CAB39L: variants seen among roughly 807,000 people sequenced by gnomAD.
CAB39L encodes calcium-binding protein 39-like.
A neutral mutation model predicts 39.1 loss-of-function variants in CAB39L; 23 were observed. The ratio of observed to expected loss-of-function variants is 0.59; its 90% CI spans 0.42 to 0.83. The LOEUF (loss-of-function observed/expected upper bound fraction) is 0.83. Ranked by LOEUF, CAB39L falls within the 40% of genes least tolerant of loss-of-function variation. CAB39L has a pLI of 0.00. For missense variants in CAB39L, 366 were observed against 391.9 expected (o/e 0.93, Z 0.56); for synonymous variants, 126 against 137.2 (o/e 0.92, Z 0.57).
intron 3 of CAB39L, among the ~76,000 whole-genome samples, chr13:49,408,824 C>T (rs953386934): frequency 6.6e-6 from 1 of 151,978 alleles, no homozygotes; most frequent in Admixed American, 6.6e-5. Flanking sequence ...GAGTGAGACC[C>T]TGTCCCCTCC....
intron 6 of CAB39L, chr13:49,351,121 T>C (rs1273354513): frequency 1.6e-5 from 6 of 376,452 alleles, no homozygotes; most frequent in Admixed American, 9.1e-5. Context: ...AACACTTAGA[T>C]ATACTCAAAT....
intron 3 of CAB39L, among the ~76,000 whole-genome samples, chr13:49,410,837 AG>A (rs1279929166): frequency 1.3e-5 from 2 of 152,220 alleles, no homozygotes. Context: ...CAGTAATTAT[AG>A]TGGGTTCCAT....
intron 5 of CAB39L, 31 bp downstream of exon 5, chr13:49,376,936 C>T (rs1566101062): frequency 7.1e-7 from 1 of 1,408,804 alleles, no homozygotes; most frequent in Non-Finnish European, 9.5e-7. Context: ...AATTGAAAAG[C>T]ACCACTGACA....
chr13:49,313,732 A>C lies in CAB39L; in HGVS notation c.835-2739T>G, dbSNP rs372634919. ...ATCAAAGTGTCTCTGAGCCCTACAG[A>C]GCTCTCTGGTGTGATGGTCTGGCCT... On this transcript the variant is annotated intron_variant, in intron 10 of 10. Coordinates refer to ENST00000409308, the MANE Select transcript of CAB39L (RefSeq NM_001079670.3). 7.9e-5 allele frequency among the ~76,000 whole-genome samples: 12 copies of C among 152,204 alleles called. No homozygotes were observed. The East Asian group carries it at 2.1e-3, about 27-fold the overall frequency.
chr13:49,372,294 T>C (rs1955939426), intron 5 of CAB39L, among the ~76,000 whole-genome samples: 1 of 152,184 alleles, frequency 6.6e-6, no homozygotes, highest in African/African-American at 2.4e-5. Flanking sequence ...GCTTAAAGCA[T>C]TAGATAAAAA....
At chr13:49,409,730 G>A (rs1314348320) in intron 3 of CAB39L, among the ~76,000 whole-genome samples, 1 of 152,036 alleles carries the variant, frequency 6.6e-6, no homozygotes, top group Non-Finnish European at 1.5e-5. Context: ...GAGAACAAAG[G>A]TAGAGTAAAA....
intron 10 of CAB39L, among the ~76,000 whole-genome samples, chr13:49,317,540 C>G (rs1029882335): frequency 2.0e-5 from 3 of 151,982 alleles, no homozygotes; most frequent in African/African-American, 7.3e-5. Flanking sequence ...AAAAAACAAA[C>G]AAACAAACAA....
intron 10 of CAB39L, among the ~76,000 whole-genome samples, chr13:49,322,054 C>A (rs1954361822): frequency 1.3e-5 from 2 of 152,088 alleles, no homozygotes; most frequent in Admixed American, 1.3e-4. Context: ...ACAGTATATT[C>A]ACATAGTTGT....
At chr13:49,375,755 C>G (rs1477268366) in intron 5 of CAB39L, among the ~76,000 whole-genome samples, 1 of 150,774 alleles carries the variant, frequency 6.6e-6, no homozygotes, top group Non-Finnish European at 1.5e-5. Context: ...TGTAACAAAC[C>G]TGCACGTTGT....
chr13:49,346,100 G>GA (rs1555254610), intron 7 of CAB39L, among the ~76,000 whole-genome samples: 1 of 30,946 alleles, frequency 3.2e-5, no homozygotes, highest in African/African-American at 1.4e-4. Flanking sequence ...ATATATGCTA[G>GA]ATATATATAT....
chr13:49,366,361 TAAAAAGAA>T (rs1955770998), intron 5 of CAB39L, among the ~76,000 whole-genome samples: 1 of 150,638 alleles, frequency 6.6e-6, no homozygotes, highest in Admixed American at 6.6e-5. Flanking sequence ...CCACAAAAAT[TAAAAAGAA>T]AAAAAGAGAA....
At chr13:49,326,290 T>C (rs924598670) in intron 10 of CAB39L, among the ~76,000 whole-genome samples, 4 of 152,200 alleles carry the variant, frequency 2.6e-5, no homozygotes, top group Admixed American at 6.5e-5. Flanking sequence ...TGACCTAGTA[T>C]CTTAGAATTA....
intron 7 of CAB39L, among the ~76,000 whole-genome samples, chr13:49,345,056 T>C (rs776950587): frequency 2.6e-5 from 4 of 152,222 alleles, no homozygotes; most frequent in Admixed American, 1.3e-4. Context: ...CTCACTTTAA[T>C]GTTGTAGGAA....
chr13:49,326,565 G>GA (rs370121004), intron 10 of CAB39L, among the ~76,000 whole-genome samples: 41 of 152,136 alleles, frequency 2.7e-4, no homozygotes, highest in African/African-American at 9.6e-4. Context: ...GTGCTCTGGG[G>GA]AAAAAAACCT....
chr13:49,383,386 T>A (rs1276596125), intron 3 of CAB39L, among the ~76,000 whole-genome samples: 1 of 152,186 alleles, frequency 6.6e-6, no homozygotes, highest in African/African-American at 2.4e-5. Context: ...GCACAGTAGT[T>A]TAGATATGAT....
chr13:49,340,700 T>C (rs545962614), intron 8 of CAB39L, among the ~76,000 whole-genome samples: 4 of 152,260 alleles, frequency 2.6e-5, no homozygotes, highest in African/African-American at 9.6e-5. Flanking sequence ...ATTTGAATAG[T>C]AAATATAAAA....
chr13:49,366,481 G>A (rs989835177), intron 5 of CAB39L, among the ~76,000 whole-genome samples: 1 of 151,642 alleles, frequency 6.6e-6, no homozygotes. Flanking sequence ...ACAAAAATTA[G>A]CTAGGCTTGG....
intron 1 of CAB39L, among the ~76,000 whole-genome samples, chr13:49,437,405 A>C (rs958067662): frequency 6.6e-6 from 1 of 151,960 alleles, no homozygotes; most frequent in African/African-American, 2.4e-5. Context: ...GACCCTTCCA[A>C]GGCACCCTCT....
chr13:49,350,138 A>G (rs1038530317), intron 7 of CAB39L, among the ~76,000 whole-genome samples: 2 of 152,212 alleles, frequency 1.3e-5, no homozygotes, highest in Non-Finnish European at 2.9e-5. Context: ...AACAATGTGA[A>G]TATATTGCAT....
Sources: gnomAD v4.1 joint callset for allele counts (sites outside exome capture counted in the v4.1 genomes callset) on GRCh38, gnomAD v4.1.1 for gene constraint, MANE v1.5 for transcripts, NCBI Gene and HGNC (gene_info 2026-07-23, HGNC 2026-07-21) for gene names.